The following GRIA3 variants were observed in gnomAD, a reference collection of about 807,000 sequenced individuals.
GRIA3 encodes the protein glutamate ionotropic receptor AMPA type subunit 3, also known as glutamate receptor 3.
GRIA3 carries 3 observed loss-of-function variants against 63.0 expected under a neutral mutation model. That is an observed-to-expected ratio of 0.05 (90% CI 0.02 to 0.12). GRIA3 has a LOEUF of 0.12. GRIA3 is among the 10% of genes least tolerant of loss of function. The probability of loss-of-function intolerance (pLI) is 1.00; values close to 1 mark genes in which losing one functional copy is unlikely to be tolerated. For synonymous variants in GRIA3, 274 were observed against 257.9 expected (o/e 1.06, Z -0.60); for missense variants, 347 against 700.9 (o/e 0.50, Z 5.70).
intron 2 of GRIA3, among the ~76,000 whole-genome samples, chrX:123,212,639 T>C (rs992231035): frequency 2.7e-5 from 3 of 112,201 alleles, no homozygotes; most frequent in African/African-American, 3.2e-5. Flanking sequence ...TAATTACTTA[T>C]AACATTTTAT....
At chrX:123,257,065 A>T (rs1249796304) in intron 3 of GRIA3, among the ~76,000 whole-genome samples, 1 of 111,304 alleles carries the variant, frequency 9.0e-6, no homozygotes, top group Non-Finnish European at 1.9e-5. Flanking sequence ...CTTAGTTTTG[A>T]GGAGCAGAGA....
intron 12 of GRIA3, among the ~76,000 whole-genome samples, chrX:123,434,043 C>A: frequency 8.9e-6 from 1 of 112,094 alleles, no homozygotes; most frequent in East Asian, 2.8e-4. Flanking sequence ...ACTGGGTCTA[C>A]ATTTCTTCAA....
At chrX:123,463,761 GAAAGA>G (rs2045818337) in intron 12 of GRIA3, among the ~76,000 whole-genome samples, 2 of 95,580 alleles carry the variant, frequency 2.1e-5, no homozygotes, top group South Asian at 4.4e-4. Flanking sequence ...AAGAGAGAAA[GAAAGA>G]AGAGAAAGAA....
intron 10 of GRIA3, among the ~76,000 whole-genome samples, chrX:123,406,690 T>G (rs2045475989): frequency 1.8e-5 from 2 of 111,360 alleles, no homozygotes; most frequent in Admixed American, 1.9e-4. Context: ...TCTCCTGTCT[T>G]GGGTCAAGAT....
intron 12 of GRIA3, among the ~76,000 whole-genome samples, chrX:123,445,050 G>T (rs1417829877): frequency 8.9e-6 from 1 of 111,767 alleles, no homozygotes; most frequent in East Asian, 2.8e-4. Context: ...GGGCACAGTT[G>T]ATCAATTTTC....
chrX:123,350,034 G>A (rs1277533102), intron 4 of GRIA3, among the ~76,000 whole-genome samples: 2 of 111,055 alleles, frequency 1.8e-5, no homozygotes, highest in African/African-American at 6.5e-5. Flanking sequence ...AACTAGGAGA[G>A]CAGGAAAAAA....
At chrX:123,339,198 A>C (rs1265908934) in intron 4 of GRIA3, among the ~76,000 whole-genome samples, 1 of 112,053 alleles carries the variant, frequency 8.9e-6, no homozygotes, top group Non-Finnish European at 1.9e-5. Context: ...CCTACTACTC[A>C]AGTATCTTCT....
At chrX:123,399,719 T>C (rs1434474802) in intron 7 of GRIA3, among the ~76,000 whole-genome samples, 1 of 112,249 alleles carries the variant, frequency 8.9e-6, no homozygotes, top group Non-Finnish European at 1.9e-5. Flanking sequence ...GATAAGATAA[T>C]TCTGTGTGCA....
At chrX:123,250,112 T>C (rs2044381107) in intron 2 of GRIA3, among the ~76,000 whole-genome samples, 1 of 111,483 alleles carries the variant, frequency 9.0e-6, no homozygotes, top group Admixed American at 9.5e-5. Context: ...AATTTCACGA[T>C]AGTAGTTACC....
chrX:123,265,598 T>C (rs2044483534), intron 3 of GRIA3, among the ~76,000 whole-genome samples: 1 of 112,016 alleles, frequency 8.9e-6, no homozygotes, highest in Non-Finnish European at 1.9e-5. Context: ...CTTTCTCAGG[T>C]GTGGCAGAGG....
At chrX:123,344,907 T>G (rs2045033961) in intron 4 of GRIA3, among the ~76,000 whole-genome samples, 1 of 111,716 alleles carries the variant, frequency 9.0e-6, no homozygotes, top group Non-Finnish European at 1.9e-5. Context: ...TAAATTTCAG[T>G]GTGCATCAGA....
At chrX:123,246,363 G>A (rs1040879274) in intron 2 of GRIA3, among the ~76,000 whole-genome samples, 5 of 111,781 alleles carry the variant, frequency 4.5e-5, no homozygotes, top group Non-Finnish European at 9.4e-5. Flanking sequence ...CAGTGTGTCG[G>A]CAGGGTTGTG....
intron 2 of GRIA3, among the ~76,000 whole-genome samples, chrX:123,200,594 C>A (rs1314754938): frequency 2.3e-5 from 2 of 86,038 alleles, no homozygotes; most frequent in Non-Finnish European, 4.5e-5. Flanking sequence ...TACATATACA[C>A]ACACACACAT....
At chrX:123,433,071 G>A (rs994217005) in intron 12 of GRIA3, among the ~76,000 whole-genome samples, 1 of 111,768 alleles carries the variant, frequency 8.9e-6, no homozygotes, top group Admixed American at 9.5e-5. Context: ...TTTATGTGGC[G>A]ATCATTTGCC....
intron 5 of GRIA3, among the ~76,000 whole-genome samples, chrX:123,362,125 C>T (rs1323440853): frequency 1.8e-5 from 2 of 111,672 alleles, no homozygotes; most frequent in Non-Finnish European, 3.8e-5. Context: ...AAGGTCTTTA[C>T]AGTAAGTGTT....
intron 5 of GRIA3, among the ~76,000 whole-genome samples, chrX:123,374,541 T>G (rs1326459727): frequency 3.6e-5 from 4 of 111,875 alleles, no homozygotes; most frequent in East Asian, 2.8e-4. Context: ...TTGAGCAGTG[T>G]TTTGTAGTTC....
intron 5 of GRIA3, among the ~76,000 whole-genome samples, chrX:123,384,752 TGCTGA>T (rs1271884447): frequency 2.7e-5 from 3 of 112,741 alleles, no homozygotes; most frequent in African/African-American, 9.7e-5. Flanking sequence ...TGATCAGCAA[TGCTGA>T]GCTTTTTTTC....
chrX:123,287,375 C>T (rs1197974866), intron 3 of GRIA3, among the ~76,000 whole-genome samples: 5 of 111,983 alleles, frequency 4.5e-5, no homozygotes, highest in Non-Finnish European at 9.4e-5. Flanking sequence ...TGCCATCTCT[C>T]ACCATTCCTA....
intron 10 of GRIA3, among the ~76,000 whole-genome samples, chrX:123,414,825 T>C (rs11260435): frequency 0.32 from 35,013 of 109,948 alleles, 4,165 homozygotes; most frequent in South Asian, 0.45. Context: ...CTATCATTGA[T>C]GGACATTTGG....
Sources: allele counts gnomAD v4.1 joint callset (sites outside exome capture counted in the v4.1 genomes callset), GRCh38; gene constraint gnomAD v4.1.1; transcripts MANE v1.5; gene names NCBI Gene and HGNC (gene_info 2026-07-23, HGNC 2026-07-21).